BRWD3: variants seen among roughly 807,000 people sequenced by gnomAD.
BRWD3 encodes the protein bromodomain and WD repeat domain containing 3.
BRWD3 carries 10 observed loss-of-function variants against 149.7 expected under a neutral mutation model. That is an observed-to-expected ratio of 0.07 (90% confidence interval 0.04 to 0.11). The LOEUF (loss-of-function observed/expected upper bound fraction) is 0.11, where lower values mean the gene tolerates loss of function less well. Among genes scored for constraint, BRWD3 ranks in the 10% least tolerant of loss-of-function variants. BRWD3 has a pLI of 1.00. For synonymous variants in BRWD3, 504 were observed against 456.7 expected (o/e 1.10, Z -1.32); for missense variants, 940 against 1,373.2 (o/e 0.68, Z 4.99).
intron 6 of BRWD3, among the ~76,000 whole-genome samples, chrX:80,764,259 T>C (rs1404566923): frequency 9.0e-6 from 1 of 111,562 alleles, no homozygotes; most frequent in Non-Finnish European, 1.9e-5. Flanking sequence ...CTATCAAACG[T>C]TTAGAAAAAA....
intron 40 of BRWD3, among the ~76,000 whole-genome samples, chrX:80,677,829 T>C (rs2072384713): frequency 1.8e-5 from 2 of 111,669 alleles, no homozygotes; most frequent in African/African-American, 6.5e-5. Flanking sequence ...CACACAGACA[T>C]GTTATAAAGA....
In BRWD3 at chrX:80,677,239, T is replaced by A; in HGVS notation, c.4779A>T (p.Lys1593Asn). The A allele has an allele frequency of 8.3e-7, 1 of 1,209,125 alleles. No individual in the cohort carries two copies. Among genetic ancestry groups the A allele is most frequent in the East Asian group, 3.0e-5 (1 of 33,712 alleles). The change falls in exon 41 of 41, where the codon AAA becomes AAT. Residue 1593 changes from lysine to asparagine, a missense_variant. Around this residue, in one of 6 missense-constraint regions of BRWD3, gnomAD observed 349 missense variants for 419.6 expected, o/e 0.83. Transcript: ENST00000373275. ...ENMGGEDKEK[K>N]ETKEKSHLST... is the part of the protein sequence containing the mutation. ...ATAAATGAGATTTCTCTTTTGTTTC[T>A]TTTTTCTCTTTATCTTCTCCTCCCA... is the stretch of plus-strand genomic sequence containing the variant.
chrX:80,805,420 A>G (rs2074339763), intron 4 of BRWD3, among the ~76,000 whole-genome samples: 1 of 111,084 alleles, frequency 9.0e-6, no homozygotes, highest in African/African-American at 3.3e-5. Context: ...TGCAACCCCT[A>G]TTTACTATGT....
At position 80,676,974 on chromosome X, in the gene BRWD3, A is replaced by G; in HGVS notation, c.5044T>C (p.Trp1682Arg). 1 of 1,202,097 alleles carries G rather than the reference A, an allele frequency of 8.3e-7. No homozygotes were observed. Among genetic ancestry groups the G allele is most frequent in the Non-Finnish European group, 1.1e-6 (1 of 888,596 alleles). ...GRGRWGRWGR[W>R]SRGGRGRGGR... ...CCTCTTCCTCTGCCTCCTCTACTCC[A>G]TCTACCCCATCTTCCCCATCTGCCT... The change falls in exon 41 of 41, where the codon TGG (tryptophan) becomes CGG (arginine). Residue 1682 changes from tryptophan (W) to arginine (R), a missense_variant. Around this residue, in one of 6 missense-constraint regions of BRWD3, gnomAD observed 349 missense variants for 419.6 expected, o/e 0.83. Transcript: ENST00000373275.
At chrX:80,721,387 C>T (rs1167722909) in intron 17 of BRWD3, among the ~76,000 whole-genome samples, 1 of 111,755 alleles carries the variant, frequency 8.9e-6, no homozygotes, top group Non-Finnish European at 1.9e-5. Flanking sequence ...GACATCATCA[C>T]AGTAACTACA....
chrX:80,809,737 AGAGAG>A lies in BRWD3; in HGVS notation c.-271_-267del, dbSNP rs1347394307. 6 of 9,001 alleles carry A rather than the reference AGAGAG, an allele frequency of 6.7e-4. No homozygotes were observed. In the Admixed American group the frequency reaches 0.025, roughly 37 times the overall value. 0.7% of individuals were successfully genotyped at this position (9,001 alleles called of 1,213,427 possible). A position where few individuals can be genotyped will look rare whatever the true frequency, so the allele number is the denominator to read the frequency against. On this transcript the variant is annotated 5_prime_UTR_variant, in exon 1 of 41. Transcript: ENST00000373275. ...TGAGTGAGTGAGAGAGAGAGAGAGA[AGAGAG>A]AGAGAGAGAGAGGAAAAAGAGAGAG...
At chrX:80,788,932 G>A (rs879130364) in intron 6 of BRWD3, among the ~76,000 whole-genome samples, 1 of 111,729 alleles carries the variant, frequency 9.0e-6, no homozygotes, top group Admixed American at 9.5e-5. Flanking sequence ...TGGTTTCCAG[G>A]GGTTGAGCAA....
At chrX:80,736,852 TG>T in intron 8 of BRWD3, among the ~76,000 whole-genome samples, 1 of 111,629 alleles carries the variant, frequency 9.0e-6, no homozygotes, top group South Asian at 3.7e-4. Context: ...TCCTGATGTC[TG>T]GGACACAGGA....
intron 5 of BRWD3, among the ~76,000 whole-genome samples, chrX:80,793,067 C>A: frequency 1.0e-5 from 1 of 97,695 alleles, no homozygotes. Flanking sequence ...GAGGCTAAGG[C>A]AGGAGAATTG....
intron 22 of BRWD3, among the ~76,000 whole-genome samples, chrX:80,706,519 G>C (rs990965360): frequency 1.5e-4 from 17 of 111,158 alleles, no homozygotes; most frequent in Non-Finnish European, 2.8e-4. Context: ...ATTAGCCTAA[G>C]CCTACAGAGG....
chrX:80,787,572 CAAA>C (rs751098940), intron 6 of BRWD3, among the ~76,000 whole-genome samples: 1 of 48,590 alleles, frequency 2.1e-5, no homozygotes, highest in Non-Finnish European at 4.1e-5. Context: ...CACCCATATG[CAAA>C]AAAAAAAAAA....
chrX:80,704,249 C>G, intron 23 of BRWD3, among the ~76,000 whole-genome samples: 1 of 56,185 alleles, frequency 1.8e-5, no homozygotes, highest in East Asian at 5.2e-4. Flanking sequence ...TTAAAAAAAA[C>G]ACCAAAAAAC....
intron 20 of BRWD3, among the ~76,000 whole-genome samples, chrX:80,714,081 C>A (rs944322272): frequency 1.8e-5 from 2 of 111,525 alleles, no homozygotes; most frequent in South Asian, 3.7e-4. Context: ...GCAGAGGACC[C>A]CCTTCAAGGG....
rs977029129 is a variant in BRWD3, at chrX:80,707,491, C to A, written c.2488G>T (p.Val830Phe). The A allele has an allele frequency of 3.3e-6, 4 of 1,209,041 alleles. No homozygotes were observed. Among genetic ancestry groups the A allele is most frequent in the Non-Finnish European group, 4.5e-6 (4 of 893,971 alleles). The change falls in exon 22 of 41, where the codon GTT becomes TTT. Residue 830 changes from valine (V) to phenylalanine (F), a missense_variant. Around this residue, in one of 6 missense-constraint regions of BRWD3, gnomAD observed 158 missense variants for 284.0 expected, o/e 0.56. Coordinates refer to ENST00000373275, the MANE Select transcript of BRWD3 (RefSeq NM_153252.5). ...TCTACCGAAGCGTCACTTGTGCCAA[C>A]AGTTTCATCTTCCTACAACAAAGAG... ...SDSSSEEDETVGTSDASVEDP... is the reference protein window; with the variant it reads ...SDSSSEEDETFGTSDASVEDP...
chrX:80,692,127 T>C lies in BRWD3; in HGVS notation c.3287A>G (p.Lys1096Arg). The change falls in exon 29 of 41, where the codon AAG becomes AGG. Residue 1096 changes from lysine to arginine, a missense_variant. Physicochemically the swap from Lys to Arg is conservative, Grantham distance 26 (BLOSUM62 2). Coordinates refer to ENST00000373275, the MANE Select transcript of BRWD3 (RefSeq NM_153252.5). ...TGGCTCCATATCCCATGGGCTCATC[T>C]TTTCTCTCTCATTATTGTCCCAGCT... is the stretch of plus-strand genomic sequence containing the variant. ...SVHWDNNERE[K>R]MSPWDMEPIP... 2 of 1,205,749 alleles carry C rather than the reference T, an allele frequency of 1.7e-6. No homozygotes were observed. The highest frequency in any genetic ancestry group is 2.2e-6 in the Non-Finnish European group (2 of 890,715).
In BRWD3 at chrX:80,736,066, G is replaced by A. The variant is rs780313239; in HGVS notation, c.836C>T (p.Thr279Ile). 5 of 1,180,347 alleles carry A rather than the reference G, an allele frequency of 4.2e-6. No homozygotes were observed. In the East Asian group the frequency reaches 1.5e-4, roughly 36 times the overall value. Residue 279 changes from threonine to isoleucine, a missense_variant, in exon 9 of 41, where the codon ACA (threonine) becomes ATA (isoleucine). Physicochemically the swap from Thr to Ile is moderately conservative, Grantham distance 89. Coordinates refer to ENST00000373275, the MANE Select transcript of BRWD3 (RefSeq NM_153252.5). ...SIQFCPSTKG[T>I]NRYLTSTGAD... ...ACCAGTAGAAGTGAGGTATCTGTTT[G>A]TGCCTTTAGTTGATGGACAAAACTT...
intron 29 of BRWD3, 30 bp from the exon 30 acceptor site, chrX:80,692,008 G>T (rs1047505305): frequency 2.6e-6 from 3 of 1,163,771 alleles, no homozygotes; most frequent in Admixed American, 4.6e-5. Flanking sequence ...AAAAAAATTA[G>T]AAAAAATTAT....
In BRWD3 at chrX:80,717,614, G is replaced by C. The variant is rs1358492059; in HGVS notation, c.2190C>G (p.Ser730Arg). 2.5e-6 allele frequency: 3 copies of C among 1,211,141 alleles called. No individual in the cohort carries two copies. Among genetic ancestry groups the C allele is most frequent in the Admixed American group, 4.4e-5 (2 of 45,974 alleles). ...MATERDLMAW[S>R]RRVVVNELNN... is the part of the protein sequence containing the mutation. ...TTAGTTCATTGACCACCACTCTTCT[G>C]CTCCACGCCATGAGATCTCTTTCAG... The change falls in exon 19 of 41, where the codon AGC becomes AGG. Residue 730 changes from serine (S) to arginine (R), a missense_variant. Coordinates refer to ENST00000373275, the MANE Select transcript of BRWD3 (RefSeq NM_153252.5).
chrX:80,798,313 A>T (rs1416699950), intron 4 of BRWD3, among the ~76,000 whole-genome samples: 2 of 110,988 alleles, frequency 1.8e-5, no homozygotes, highest in Non-Finnish European at 3.8e-5. Context: ...TTAACTGCTT[A>T]CTTGAATCTG....
Sources: gnomAD v4.1 joint callset for allele counts (sites outside exome capture counted in the v4.1 genomes callset) on GRCh38, gnomAD v4.1.1 for gene constraint, gnomAD v4.1.1 regional missense constraint, MANE v1.5 for transcripts, NCBI Gene and HGNC (gene_info 2026-07-23, HGNC 2026-07-21) for gene names.